The following PLCE1 variants were observed in gnomAD, a reference collection of about 807,000 sequenced individuals.
PLCE1 encodes the protein 1-phosphatidylinositol 4,5-bisphosphate phosphodiesterase epsilon-1.
A neutral mutation model predicts 242.8 loss-of-function variants in PLCE1; 119 were observed. That is an observed-to-expected ratio of 0.49 (90% confidence interval 0.42 to 0.57). The LOEUF (loss-of-function observed/expected upper bound fraction) is 0.57. PLCE1 is among the 20% of genes least tolerant of loss of function. PLCE1 has a pLI of 0.00. For missense variants in PLCE1, 2,441 were observed against 2,788.8 expected (o/e 0.88, Z 2.81); for synonymous variants, 945 against 1,017.4 (o/e 0.93, Z 1.35).
At chr10:94,126,392 T>C (rs2046437023) in intron 2 of PLCE1, among the ~76,000 whole-genome samples, 1 of 152,218 alleles carries the variant, frequency 6.6e-6, no homozygotes, top group Non-Finnish European at 1.5e-5. Context: ...CCTGTAGAAA[T>C]ATATTTTGAT....
intron 19 of PLCE1, among the ~76,000 whole-genome samples, chr10:94,278,784 T>C (rs1391314043): frequency 6.6e-6 from 1 of 152,006 alleles, no homozygotes; most frequent in Non-Finnish European, 1.5e-5. Flanking sequence ...TACAGAATTA[T>C]ATGTATATTT....
At chr10:94,249,643 C>A (rs2050806195) in intron 8 of PLCE1, among the ~76,000 whole-genome samples, 1 of 152,038 alleles carries the variant, frequency 6.6e-6, no homozygotes, top group Non-Finnish European at 1.5e-5. Flanking sequence ...TTGAGTACTA[C>A]TGATGGAAGT....
intron 4 of PLCE1, among the ~76,000 whole-genome samples, chr10:94,226,518 T>A (rs1435791600): frequency 6.6e-6 from 1 of 152,140 alleles, no homozygotes; most frequent in East Asian, 1.9e-4. Context: ...TATAAATATT[T>A]GTTCATAATA....
chr10:94,149,181 T>A (rs1222680901), intron 3 of PLCE1, among the ~76,000 whole-genome samples: 1 of 152,196 alleles, frequency 6.6e-6, no homozygotes, highest in Non-Finnish European at 1.5e-5. Context: ...GCCAAGGGGT[T>A]CCATGCTGCT....
intron 4 of PLCE1, among the ~76,000 whole-genome samples, chr10:94,202,912 A>AT (rs1194653234): frequency 1.3e-5 from 2 of 151,946 alleles, no homozygotes; most frequent in African/African-American, 4.8e-5. Flanking sequence ...TTTCTTTGTG[A>AT]TTCTTTCCTG....
At chr10:94,191,025 G>A (rs2136604353) in intron 4 of PLCE1, among the ~76,000 whole-genome samples, 1 of 152,270 alleles carries the variant, frequency 6.6e-6, no homozygotes, top group East Asian at 1.9e-4. Flanking sequence ...GATCATGTGG[G>A]CATCACAAGA....
chr10:94,147,583 G>A (rs2047155110), intron 3 of PLCE1, among the ~76,000 whole-genome samples: 1 of 152,176 alleles, frequency 6.6e-6, no homozygotes, highest in African/African-American at 2.4e-5. Context: ...TGCTATGCTA[G>A]GCACTATATT....
intron 4 of PLCE1, among the ~76,000 whole-genome samples, chr10:94,192,702 G>C (rs919263177): frequency 1.3e-5 from 2 of 152,152 alleles, no homozygotes; most frequent in African/African-American, 4.8e-5. Flanking sequence ...ACCCAGCAAT[G>C]AGATTGCTGG....
chr10:94,095,636 A>C (rs2045280873), intron 2 of PLCE1, among the ~76,000 whole-genome samples: 1 of 152,220 alleles, frequency 6.6e-6, no homozygotes, highest in South Asian at 2.1e-4. Flanking sequence ...ACAGGGCCGC[A>C]TGGGAGAGGA....
In PLCE1 at chr10:94,132,299, A is replaced by G. The variant is rs201394360; in HGVS notation, c.1332A>G (p.Gln444=). 5.1e-5 allele frequency: 82 copies of G among 1,614,066 alleles called. No individual in the cohort carries two copies. In the East Asian group the frequency reaches 1.8e-3, roughly 36 times the overall value. ...TAAGCGTTGGTCCATGCTTAAAGCA[A>G]TGTGTCCGAGACACTGTATGTGAGT... ...GRISVGPCLK[Q]CVRDTVCEYR... Residue 444 remains glutamine, a synonymous_variant, in exon 3 of 33, where the codon CAA becomes CAG. Coordinates refer to ENST00000371380, the MANE Select transcript of PLCE1 (RefSeq NM_016341.4).
chr10:94,064,246 T>G lies in PLCE1; in HGVS notation c.1206+31994T>G, dbSNP rs536322992. 3.9e-5 allele frequency among the ~76,000 whole-genome samples: 6 copies of G among 152,238 alleles called. No homozygotes were observed. In the East Asian group the frequency reaches 7.7e-4, roughly 20 times the overall value. On this transcript the variant is annotated intron_variant, in intron 2 of 32. Transcript: ENST00000371380. ...ATTAGTCATAATAAGTCAGGCTAGT[T>G]GGACAATTAAGAGCGTGAGCTTTGT...
chr10:94,123,862 G>A (rs550953531), intron 2 of PLCE1, among the ~76,000 whole-genome samples: 5 of 152,254 alleles, frequency 3.3e-5, no homozygotes, highest in South Asian at 2.1e-4. Context: ...AGGTGACACC[G>A]TTAAAATAAA....
chr10:94,122,858 C>A, intron 2 of PLCE1, among the ~76,000 whole-genome samples: 1 of 152,178 alleles, frequency 6.6e-6, no homozygotes, highest in Admixed American at 6.5e-5. Context: ...AGTAGGCCTG[C>A]GATGGAGCCC....
At chr10:94,191,224 A>C (rs1266631650) in intron 4 of PLCE1, among the ~76,000 whole-genome samples, 2 of 152,224 alleles carry the variant, frequency 1.3e-5, no homozygotes, top group African/African-American at 4.8e-5. Flanking sequence ...GGAATGGCAT[A>C]ACATTACTCT....
At chr10:94,268,614 T>C (rs985266066) in intron 16 of PLCE1, among the ~76,000 whole-genome samples, 1 of 152,240 alleles carries the variant, frequency 6.6e-6, no homozygotes, top group African/African-American at 2.4e-5. Flanking sequence ...CCTGGCTCTC[T>C]AATTTGAAGA....
chr10:94,058,176 C>T (rs557666547), intron 2 of PLCE1, among the ~76,000 whole-genome samples: 3 of 152,276 alleles, frequency 2.0e-5, no homozygotes, highest in Non-Finnish European at 2.9e-5. Flanking sequence ...AGAGAGTTAA[C>T]ATTTCTTTTG....
chr10:94,308,728 T>C, intron 27 of PLCE1, 29 bp downstream of exon 27: 3 of 1,379,518 alleles, frequency 2.2e-6, no homozygotes, highest in Non-Finnish European at 3.1e-6. Context: ...ACTCAACATA[T>C]TTATGGGGAT....
At chr10:94,093,475 T>C (rs1056919013) in intron 2 of PLCE1, among the ~76,000 whole-genome samples, 1 of 152,194 alleles carries the variant, frequency 6.6e-6, no homozygotes, top group African/African-American at 2.4e-5. Flanking sequence ...AAGAAAGTAT[T>C]CATCATACAA....
At chr10:94,108,872 C>T (rs2135591566) in intron 2 of PLCE1, 1 of 152,300 alleles carries the variant, frequency 6.6e-6, no homozygotes, top group Non-Finnish European at 1.5e-5. Context: ...CAGTAACAGC[C>T]CTCTTTGTAT....
Sources: gnomAD v4.1 joint callset for allele counts (sites outside exome capture counted in the v4.1 genomes callset) on GRCh38, gnomAD v4.1.1 for gene constraint, MANE v1.5 for transcripts, NCBI Gene and HGNC (gene_info 2026-07-23, HGNC 2026-07-21) for gene names.